Variants in GMDS observed in about 807,000 individuals in gnomAD.
GMDS encodes the protein GDP-mannose 4,6-dehydratase.
Under a neutral mutation model 49.9 loss-of-function variants are expected in GMDS, and 20 were observed. That is an observed-to-expected ratio of 0.40 (90% CI 0.28 to 0.58). GMDS has a LOEUF of 0.58. GMDS is among the 20% of genes least tolerant of loss of function. GMDS has a pLI of 0.42. For synonymous variants in GMDS, 177 were observed against 178.6 expected, an observed-to-expected ratio of 0.99 and a Z score of 0.07; for missense variants, 362 against 481.4, an observed-to-expected ratio of 0.75 and a Z score of 2.32.
intron 9 of GMDS, among the ~76,000 whole-genome samples, chr6:1,659,096 G>C (rs553390933): frequency 6.6e-6 from 1 of 152,240 alleles, no homozygotes; most frequent in Admixed American, 6.5e-5. Flanking sequence ...GGCGTATGCA[G>C]TTCCTGCTAT....
In GMDS at chr6:2,025,357, G is replaced by GGTGT. The variant is rs200096039; in HGVS notation, c.346-64395_346-64392dup. 2.7e-3 allele frequency among the ~76,000 whole-genome samples: 370 copies of GGTGT among 136,654 alleles called. 3 individuals carry two copies. Among genetic ancestry groups the GGTGT allele is most frequent in the African/African-American group, 7.8e-3 (285 of 36,540 alleles). 89.7% of individuals were successfully genotyped at this position (136,654 alleles called of 152,430 possible). A position where few individuals can be genotyped will look rare whatever the true frequency, so the allele number is the denominator to read the frequency against. ...ATTAGTTCTGTAAATCTGATGGTGG[G>GGTGT]GTGTGTGTGTGTGTGTGTGTGTGTG... On this transcript the variant is annotated intron_variant, in intron 4 of 10. Coordinates refer to ENST00000380815, the MANE Select transcript of GMDS (RefSeq NM_001500.4).
At chr6:1,763,457 C>T (rs148339048) in intron 7 of GMDS, among the ~76,000 whole-genome samples, 9 of 152,290 alleles carry the variant, frequency 5.9e-5, no homozygotes, top group African/African-American at 1.9e-4. Context: ...AGTGATAAAT[C>T]CCCCACTTCC....
At chr6:1,645,961 C>T (rs1763470166) in intron 9 of GMDS, among the ~76,000 whole-genome samples, 1 of 152,334 alleles carries the variant, frequency 6.6e-6, no homozygotes, top group South Asian at 2.1e-4. Context: ...ACTATATGGA[C>T]CTCTGTCTTC....
intron 4 of GMDS, among the ~76,000 whole-genome samples, chr6:2,101,587 C>G (rs940871210): frequency 2.6e-5 from 4 of 151,950 alleles, no homozygotes; most frequent in Non-Finnish European, 5.9e-5. Flanking sequence ...TATATCAAAT[C>G]TATCTGAAAC....
intron 6 of GMDS, among the ~76,000 whole-genome samples, chr6:1,940,847 C>T (rs1014134642): frequency 3.3e-5 from 5 of 152,192 alleles, no homozygotes; most frequent in African/African-American, 1.2e-4. Flanking sequence ...CAGTTTGGTA[C>T]TATTGACATT....
chr6:1,797,817 A>G (rs756184143), intron 7 of GMDS, among the ~76,000 whole-genome samples: 16 of 152,178 alleles, frequency 1.1e-4, no homozygotes, highest in Non-Finnish European at 1.8e-4. Flanking sequence ...GTGGACCCCA[A>G]TGGGCACAGC....
At chr6:1,760,087 T>C (rs1768100886) in intron 7 of GMDS, among the ~76,000 whole-genome samples, 1 of 152,070 alleles carries the variant, frequency 6.6e-6, no homozygotes, top group South Asian at 2.1e-4. Flanking sequence ...CATGAAGACC[T>C]GTGTGGGCAG....
At position 2,210,475 on chromosome 6, in the gene GMDS, G is replaced by A. The variant is rs141754161; in HGVS notation, c.102+34846C>T. ...ACCCATCCTTTCCTGGTGTAACGCAGCCCCAGGAGTGCCTCGAGAATGGAC... is the reference window on the plus strand; with the variant it reads ...ACCCATCCTTTCCTGGTGTAACGCAACCCCAGGAGTGCCTCGAGAATGGAC... On this transcript the variant is annotated intron_variant, in intron 1 of 10. Transcript: ENST00000380815. Among the ~76,000 whole-genome samples the A allele has an allele frequency of 3.2e-3, 488 of 152,250 alleles. 3 individuals carry two copies. The highest frequency in any genetic ancestry group is 0.011 in the African/African-American group (469 of 41,532).
chr6:1,935,773 T>C (rs1762498965), intron 6 of GMDS, among the ~76,000 whole-genome samples: 1 of 152,186 alleles, frequency 6.6e-6, no homozygotes, highest in Non-Finnish European at 1.5e-5. Context: ...GATAATGAGT[T>C]TTGCCAGCAT....
intron 4 of GMDS, among the ~76,000 whole-genome samples, chr6:2,051,937 T>C (rs1770422306): frequency 6.6e-6 from 1 of 151,674 alleles, no homozygotes; most frequent in African/African-American, 2.4e-5. Context: ...GCCAACACGG[T>C]GAAACCCCAT....
intron 6 of GMDS, among the ~76,000 whole-genome samples, chr6:1,933,801 T>C (rs1007111513): frequency 2.6e-5 from 4 of 152,222 alleles, no homozygotes; most frequent in Non-Finnish European, 5.9e-5. Flanking sequence ...TTGCAAAGAT[T>C]TTCTCTCATT....
chr6:1,919,370 G>C (rs748254115), intron 7 of GMDS, among the ~76,000 whole-genome samples: 1 of 152,184 alleles, frequency 6.6e-6, no homozygotes, highest in Non-Finnish European at 1.5e-5. Flanking sequence ...GCTATCCTAT[G>C]GAGTAATTTC....
At chr6:2,094,114 G>A (rs960047427) in intron 4 of GMDS, among the ~76,000 whole-genome samples, 11 of 152,190 alleles carry the variant, frequency 7.2e-5, no homozygotes, top group African/African-American at 2.4e-4. Flanking sequence ...GACCAATGTC[G>A]ATAAGATTCT....
intron 1 of GMDS, among the ~76,000 whole-genome samples, chr6:2,188,935 C>T (rs1581770045): frequency 6.6e-6 from 1 of 152,174 alleles, no homozygotes; most frequent in Non-Finnish European, 1.5e-5. Context: ...ATGGCCAAAG[C>T]TTGCCATACA....
At chr6:1,858,553 T>A (rs975269389) in intron 7 of GMDS, among the ~76,000 whole-genome samples, 3 of 152,198 alleles carry the variant, frequency 2.0e-5, no homozygotes, top group South Asian at 2.1e-4. Context: ...TTATTTCCAA[T>A]TACTTTCTTT....
intron 2 of GMDS, among the ~76,000 whole-genome samples, chr6:2,118,629 G>A (rs926675): frequency 0.03 from 4,587 of 152,176 alleles, 124 homozygotes; most frequent in Non-Finnish European, 0.04. Flanking sequence ...TGACTTCTGC[G>A]AAGGATACAA....
At position 1,695,362 on chromosome 6, in the gene GMDS, G is replaced by A. The variant is rs1453895405; in HGVS notation, c.987+31054C>T. The stretch of plus-strand genomic sequence containing the variant: ...AGAATGAAATTCAACTACCTTTGAG[G>A]CCTCACATCAGTAATCCCCTCTACA... On this transcript the variant is annotated intron_variant, in intron 9 of 10. Coordinates refer to ENST00000380815, the MANE Select transcript of GMDS (RefSeq NM_001500.4). 2.6e-5 allele frequency among the ~76,000 whole-genome samples: 4 copies of A among 152,260 alleles called. No homozygotes were observed. In the East Asian group the frequency reaches 7.7e-4, roughly 29 times the overall value.
chr6:2,051,949 C>T (rs1770423799), intron 4 of GMDS, among the ~76,000 whole-genome samples: 1 of 151,394 alleles, frequency 6.6e-6, no homozygotes, highest in South Asian at 2.1e-4. Context: ...AAACCCCATC[C>T]CTACTAAAAA....
At chr6:1,900,410 C>T (rs1760442442) in intron 7 of GMDS, among the ~76,000 whole-genome samples, 1 of 152,128 alleles carries the variant, frequency 6.6e-6, no homozygotes, top group African/African-American at 2.4e-5. Context: ...CAATGAAATC[C>T]ATCTTTTTAT....
Sources: gnomAD v4.1 joint callset for allele counts (sites outside exome capture counted in the v4.1 genomes callset) on GRCh38, gnomAD v4.1.1 for gene constraint, MANE v1.5 for transcripts, NCBI Gene and HGNC (gene_info 2026-07-23, HGNC 2026-07-21) for gene names.